The following SARDH variants were observed in gnomAD, a reference collection of about 807,000 sequenced individuals.
SARDH encodes the protein sarcosine dehydrogenase, mitochondrial.
A neutral mutation model predicts 109.1 loss-of-function variants in SARDH; 95 were observed. The observed-to-expected ratio is 0.87, with a 90% CI of 0.74 to 1.03. The LOEUF (loss-of-function observed/expected upper bound fraction) is 1.03. Among genes scored for constraint, SARDH ranks in the 50% least tolerant of loss-of-function variants. SARDH has a pLI of 0.00. For missense variants in SARDH, 1,267 were observed against 1,287.8 expected (o/e 0.98, Z 0.25); for synonymous variants, 572 against 534.8 (o/e 1.07, Z -0.96).
At chr9:133,726,153 C>T (rs1185321984) in intron 6 of SARDH, among the ~76,000 whole-genome samples, 1 of 151,874 alleles carries the variant, frequency 6.6e-6, no homozygotes, top group Non-Finnish European at 1.5e-5. Flanking sequence ...GCAGGAGGAT[C>T]GCTTGAGCAG....
chr9:133,700,433 G>A (rs953178626), intron 13 of SARDH, among the ~76,000 whole-genome samples: 8 of 152,060 alleles, frequency 5.3e-5, no homozygotes, highest in Non-Finnish European at 1.2e-4. Flanking sequence ...CACGCTAAGT[G>A]GAAGAAGCTG....
chr9:133,702,877 C>T, intron 13 of SARDH, 39 bp downstream of exon 13: 1 of 1,584,172 alleles, frequency 6.3e-7, no homozygotes, highest in East Asian at 2.2e-5. Context: ...GAGGGACAGG[C>T]AGAAGGACGG....
Position 133,666,802 on chromosome 9 carries a change from G to C in SARDH, c.2564C>G (p.Ala855Gly). The C allele has an allele frequency of 6.2e-7, 1 of 1,607,296 alleles. No individual in the cohort carries two copies. Among genetic ancestry groups the C allele is most frequent in the Non-Finnish European group, 8.5e-7 (1 of 1,177,160 alleles). Residue 855 changes from alanine (A) to glycine (G), a missense_variant, in exon 20 of 21, where the codon GCT becomes GGT. Transcript: ENST00000439388. This position sits in a 1 kb window ranked among gnomAD's most constrained non-coding sequence, Gnocchi z 5.2. ...CTTGTCGATGGCGAACCCAAAGTCA[G>C]CCCTCCGGACATGGCCCACCACTTG... Reference protein sequence around the residue: ...NGQVVGHVRRADFGFAIDKTI... With the variant: ...NGQVVGHVRRGDFGFAIDKTI...
chr9:133,729,096 T>A (rs1387413173), intron 6 of SARDH, among the ~76,000 whole-genome samples: 1 of 151,568 alleles, frequency 6.6e-6, no homozygotes, highest in Non-Finnish European at 1.5e-5. Flanking sequence ...AAGGCATGGA[T>A]AGATACGGGA....
chr9:133,687,934 C>T (rs558530302), intron 16 of SARDH, among the ~76,000 whole-genome samples: 4 of 152,328 alleles, frequency 2.6e-5, no homozygotes, highest in South Asian at 2.1e-4. Context: ...CTCCTCTTCC[C>T]GCCCTGGCTG....
chr9:133,659,598 A>G (rs138880868), downstream of SARDH, among the ~76,000 whole-genome samples: 497 of 152,258 alleles, frequency 3.3e-3, 6 homozygotes, highest in African/African-American at 0.011. Flanking sequence ...CCTCATGGGG[A>G]GAGAGGGAGA....
Position 133,671,901 on chromosome 9 carries a change from G to A in SARDH, c.2164-204C>T, listed in dbSNP as rs543848326. 2.5e-4 allele frequency among the ~76,000 whole-genome samples: 38 copies of A among 152,336 alleles called. 1 individual carries two copies. The highest frequency in any genetic ancestry group is 2.3e-3 in the Admixed American group (35 of 15,304). On this transcript the variant is annotated intron_variant, in intron 17 of 20. Coordinates refer to ENST00000439388, the MANE Select transcript of SARDH (RefSeq NM_001134707.2). ...TCTGGAAATCTTTGAGGAGAAGTAG[G>A]GGGTCACCTTTGGGAAGGGGAGATG... is the stretch of plus-strand genomic sequence containing the variant.
chr9:133,670,712 G>C lies in SARDH; in HGVS notation c.2367C>G (p.Ser789Arg), dbSNP rs139852037. Residue 789 changes from serine to arginine, a missense_variant, in exon 19 of 21, where the codon AGC (serine) becomes AGG (arginine). Physicochemically the swap from Ser to Arg is moderately radical, Grantham distance 110 (BLOSUM62 -1). Coordinates refer to ENST00000439388, the MANE Select transcript of SARDH (RefSeq NM_001134707.2). The stretch of plus-strand genomic sequence containing the variant: ...TGAAGGCCAGGCCTGCCTCCAGGGG[G>C]CTGTCGTCTGGCCGCAGGTCCGCGT... ...HWHADLRPDD[S>R]PLEAGLAFTC... The C allele has an allele frequency of 8.3e-5, 133 of 1,601,812 alleles. No homozygotes were observed. In the South Asian group the frequency reaches 1.3e-3, roughly 15 times the overall value.
intron 17 of SARDH, among the ~76,000 whole-genome samples, chr9:133,677,306 C>T (rs952088267): frequency 1.3e-5 from 2 of 152,114 alleles, no homozygotes; most frequent in Non-Finnish European, 2.9e-5. Context: ...TGAGGTGAAT[C>T]GACAATGTTC....
rs1831713444 is a variant in SARDH, at chr9:133,706,866, C to T, written c.1470+1421G>A. Among the ~76,000 whole-genome samples, 6 of 152,182 alleles carry T rather than the reference C, an allele frequency of 3.9e-5. No individual in the cohort carries two copies. The South Asian group carries it at 1.2e-3, about 32-fold the overall frequency. The stretch of plus-strand genomic sequence containing the variant: ...ACAGCACTTGCCCTCCCCTCCACCC[C>T]CGAGGCCCCAAGAAGGAGGAGGCAC... On this transcript the variant is annotated intron_variant, in intron 11 of 20. Coordinates refer to ENST00000439388, the MANE Select transcript of SARDH (RefSeq NM_001134707.2).
At chr9:133,715,811 C>T (rs970276613) in intron 8 of SARDH, among the ~76,000 whole-genome samples, 8 of 152,208 alleles carry the variant, frequency 5.3e-5, no homozygotes, top group Admixed American at 1.3e-4. Context: ...GCCACCCTGC[C>T]GAGTCAGTGC....
intron 17 of SARDH, among the ~76,000 whole-genome samples, chr9:133,672,284 A>G (rs188446604): frequency 4.3e-4 from 66 of 152,324 alleles, no homozygotes; most frequent in Non-Finnish European, 4.1e-4. Context: ...CTAGCCCTAG[A>G]TAATATCATC....
intron 8 of SARDH, among the ~76,000 whole-genome samples, chr9:133,714,781 AG>A (rs1252299490): frequency 6.6e-6 from 1 of 152,116 alleles, no homozygotes; most frequent in Non-Finnish European, 1.5e-5. Context: ...CCTTTAAAAA[AG>A]GGGGGATTGG....
intron 6 of SARDH, among the ~76,000 whole-genome samples, chr9:133,727,242 G>A (rs1040586256): frequency 6.6e-6 from 1 of 152,182 alleles, no homozygotes; most frequent in African/African-American, 2.4e-5. Flanking sequence ...CAGATCCTCA[G>A]AAAAGGGAGG....
At chr9:133,697,394 A>G (rs1048846204) in intron 13 of SARDH, among the ~76,000 whole-genome samples, 2 of 152,250 alleles carry the variant, frequency 1.3e-5, no homozygotes, top group Non-Finnish European at 2.9e-5. Flanking sequence ...TCCAAAAAAT[A>G]TGAATAGGAA....
At chr9:133,665,956 A>G (rs907474750) in intron 20 of SARDH, among the ~76,000 whole-genome samples, 1 of 152,050 alleles carries the variant, frequency 6.6e-6, no homozygotes, top group Non-Finnish European at 1.5e-5. Context: ...GACCCTCCTC[A>G]CCGGCACCTC....
chr9:133,661,868 A>G (rs114641174), downstream of SARDH, among the ~76,000 whole-genome samples: 24 of 152,226 alleles, frequency 1.6e-4, no homozygotes, highest in African/African-American at 5.3e-4. Context: ...ATATTTCCAG[A>G]AAAAAAATTT....
chr9:133,662,059 T>C (rs1176421674), downstream of SARDH, among the ~76,000 whole-genome samples: 3 of 151,836 alleles, frequency 2.0e-5, no homozygotes, highest in African/African-American at 7.3e-5. This position sits in a 1 kb window ranked among gnomAD's most constrained non-coding sequence, Gnocchi z 5.1. Context: ...AGGTGAGTTG[T>C]GGAGGCTGCG....
chr9:133,672,628 G>T (rs892039185), intron 17 of SARDH, among the ~76,000 whole-genome samples: 9 of 152,256 alleles, frequency 5.9e-5, no homozygotes, highest in Admixed American at 2.6e-4. Flanking sequence ...CGAGGAGCCC[G>T]TCACCCACCA....
Sources: gnomAD v4.1 joint callset for allele counts (sites outside exome capture counted in the v4.1 genomes callset) on GRCh38, gnomAD v4.1.1 for gene constraint, Gnocchi (gnomAD v3.1) non-coding constraint, MANE v1.5 for transcripts, NCBI Gene and HGNC (gene_info 2026-07-23, HGNC 2026-07-21) for gene names.